RBFOX1: variants seen among roughly 807,000 people sequenced by gnomAD.
RBFOX1 encodes RNA binding fox-1 homolog 1, also known as RNA binding protein fox-1 homolog 1.
A neutral mutation model predicts 57.7 loss-of-function variants in RBFOX1; 8 were observed. The observed-to-expected ratio is 0.14, with a 90% CI of 0.08 to 0.25. RBFOX1 has a LOEUF of 0.25. RBFOX1 is among the 10% of genes least tolerant of loss of function. The probability of loss-of-function intolerance (pLI) is 1.00; values close to 1 mark genes in which losing one functional copy is unlikely to be tolerated. For missense variants in RBFOX1, 611 were observed against 548.5 expected (o/e 1.11, Z -1.14); for synonymous variants, 326 against 222.4 (o/e 1.47, Z -4.15).
intron 4 of RBFOX1, among the ~76,000 whole-genome samples, chr16:7,375,893 A>T (rs964040528): frequency 4.6e-5 from 7 of 152,204 alleles, no homozygotes; most frequent in Non-Finnish European, 1.0e-4. Flanking sequence ...TACTTTGCAA[A>T]GGGAAGACCT....
At chr16:5,811,135 T>C (rs891177256) in intron 3 of RBFOX1, among the ~76,000 whole-genome samples, 4 of 145,876 alleles carry the variant, frequency 2.7e-5, no homozygotes. Context: ...TGAAATCTTA[T>C]GGAACAAATT....
At chr16:6,961,816 T>A (rs928802558) in intron 3 of RBFOX1, among the ~76,000 whole-genome samples, 1 of 152,180 alleles carries the variant, frequency 6.6e-6, no homozygotes, top group East Asian at 1.9e-4. Context: ...ATAATTAATG[T>A]ATAATGAGCA....
intron 2 of RBFOX1, among the ~76,000 whole-genome samples, chr16:6,436,600 C>A (rs984081121): frequency 3.5e-5 from 5 of 144,234 alleles, no homozygotes; most frequent in African/African-American, 1.3e-4. Flanking sequence ...GGAAAAATTA[C>A]CACCCCAAGC....
At chr16:7,549,743 C>G (rs2085740450) in intron 5 of RBFOX1, among the ~76,000 whole-genome samples, 1 of 152,088 alleles carries the variant, frequency 6.6e-6, no homozygotes, top group Admixed American at 6.6e-5. Context: ...TTTATTCTGG[C>G]CACGCTGACC....
At chr16:6,820,496 A>G (rs1021748927) in intron 3 of RBFOX1, among the ~76,000 whole-genome samples, 11 of 152,070 alleles carry the variant, frequency 7.2e-5, no homozygotes, top group African/African-American at 1.9e-4. Context: ...CTCTACAGAA[A>G]AAGTTTTTAA....
chr16:5,407,932 A>G (rs1415308563), intron 1 of RBFOX1, among the ~76,000 whole-genome samples: 1 of 152,242 alleles, frequency 6.6e-6, no homozygotes, highest in Admixed American at 6.5e-5. Flanking sequence ...TGGCAAGATC[A>G]CTGCCCAGGA....
At position 6,907,655 on chromosome 16, in the gene RBFOX1, C is replaced by T. The variant is rs144781519; in HGVS notation, c.-15-144402C>T. Among the ~76,000 whole-genome samples the T allele has an allele frequency of 1.3e-3, 205 of 152,312 alleles. 1 individual carries two copies. The highest frequency in any genetic ancestry group is 4.7e-3 in the African/African-American group (194 of 41,574). On this transcript the variant is annotated intron_variant, in intron 3 of 15. Transcript: ENST00000550418. ...GCACGATCTTGGCTCACTGCAGCCTCTGCCTCCTGGGTTCAAGCAATTCTC... is the reference window on the plus strand; with the variant it reads ...GCACGATCTTGGCTCACTGCAGCCTTTGCCTCCTGGGTTCAAGCAATTCTC...
chr16:6,038,725 T>A (rs1401337646), intron 1 of RBFOX1: 10 of 148,490 alleles, frequency 6.7e-5, no homozygotes, highest in Non-Finnish European at 3.0e-5. Context: ...TTTGATTGCT[T>A]TAGAGCTTTG....
At chr16:5,283,529 G>A (rs2063322342) in intron 1 of RBFOX1, among the ~76,000 whole-genome samples, 1 of 152,124 alleles carries the variant, frequency 6.6e-6, no homozygotes, top group South Asian at 2.1e-4. Flanking sequence ...TGGAGCTGTG[G>A]CCTTTATTCT....
chr16:6,235,510 CATCAGCTGAGTGGATAA>C lies in RBFOX1; in HGVS notation c.-126-81483_-126-81467del, dbSNP rs140135829. On this transcript the variant is annotated intron_variant, in intron 1 of 15. Coordinates refer to ENST00000550418, the MANE Select transcript of RBFOX1 (RefSeq NM_018723.4). ...AAAATATAGAACCAGCCCAAATGCC[CATCAGCTGAGTGGATAA>C]AGAAACTGTGGTGTGTGTGTGCGTG... 7.4e-3 allele frequency among the ~76,000 whole-genome samples: 1,126 copies of C among 151,812 alleles called. 16 individuals carry two copies. The highest frequency in any genetic ancestry group is 0.026 in the African/African-American group (1,054 of 41,320).
chr16:6,107,729 G>GTGGA (rs1190618020), intron 1 of RBFOX1, among the ~76,000 whole-genome samples: 1 of 120,448 alleles, frequency 8.3e-6, no homozygotes, highest in African/African-American at 3.1e-5. Flanking sequence ...TTGTGGGTGG[G>GTGGA]TGGGTGGGTG....
chr16:6,745,155 T>A (rs975019629), intron 3 of RBFOX1, among the ~76,000 whole-genome samples: 2 of 152,132 alleles, frequency 1.3e-5, no homozygotes, highest in African/African-American at 4.8e-5. Context: ...CTGAATTTCC[T>A]GATATATATC....
At chr16:6,956,543 G>T (rs1226435121) in intron 3 of RBFOX1, among the ~76,000 whole-genome samples, 5 of 152,102 alleles carry the variant, frequency 3.3e-5, no homozygotes, top group African/African-American at 9.7e-5. Context: ...GAAACCTAAG[G>T]GCCAGTGGGG....
intron 3 of RBFOX1, among the ~76,000 whole-genome samples, chr16:6,823,938 G>A (rs950744955): frequency 2.0e-5 from 3 of 152,104 alleles, no homozygotes; most frequent in East Asian, 1.9e-4. Flanking sequence ...TGTAAGAAAC[G>A]GTGTCCTGGA....
At chr16:7,183,172 G>C (rs1227356365) in intron 4 of RBFOX1, among the ~76,000 whole-genome samples, 6 of 152,188 alleles carry the variant, frequency 3.9e-5, no homozygotes. Context: ...AGAGTGGGTT[G>C]AGTCAGATAG....
intron 4 of RBFOX1, among the ~76,000 whole-genome samples, chr16:7,251,448 T>C (rs1013322026): frequency 1.3e-5 from 2 of 151,092 alleles, no homozygotes; most frequent in African/African-American, 4.9e-5. Context: ...TTTGTTCTTG[T>C]TGCCCAGGCT....
intron 1 of RBFOX1, among the ~76,000 whole-genome samples, chr16:5,247,140 C>G (rs577210948): frequency 3.5e-4 from 53 of 152,298 alleles, no homozygotes; most frequent in East Asian, 7.7e-4. Context: ...TGTACATACA[C>G]CACATTGTTG....
intron 3 of RBFOX1, among the ~76,000 whole-genome samples, chr16:5,671,787 G>C (rs1411812850): frequency 6.6e-6 from 1 of 152,144 alleles, no homozygotes; most frequent in Non-Finnish European, 1.5e-5. Context: ...GTGAATATAA[G>C]GCCCCTTGTC....
intron 4 of RBFOX1, among the ~76,000 whole-genome samples, chr16:7,287,507 C>T (rs778873093): frequency 6.6e-6 from 1 of 152,266 alleles, no homozygotes; most frequent in South Asian, 2.1e-4. Context: ...TCCCCACAGG[C>T]CATGGTGAGG....
Sources: gnomAD v4.1 joint callset for allele counts (sites outside exome capture counted in the v4.1 genomes callset) on GRCh38, gnomAD v4.1.1 for gene constraint, MANE v1.5 for transcripts, NCBI Gene and HGNC (gene_info 2026-07-23, HGNC 2026-07-21) for gene names.